Variants in MAF observed in about 807,000 individuals in gnomAD.
MAF encodes transcription factor Maf.
MAF carries 10 observed loss-of-function variants against 22.0 expected under a neutral mutation model. The observed-to-expected ratio is 0.45, with a 90% CI of 0.28 to 0.77. The LOEUF (loss-of-function observed/expected upper bound fraction) is 0.77, where lower values mean the gene tolerates loss of function less well. MAF is among the 30% of genes least tolerant of loss of function. The pLI is 0.12. For synonymous variants in MAF, 337 were observed against 255.8 expected (o/e 1.32, Z -3.03); for missense variants, 544 against 548.4 (o/e 0.99, Z 0.08).
At chr16:79,341,394 G>A in the MAF span, among the ~76,000 whole-genome samples, 30 of 152,258 alleles carry the variant, frequency 2.0e-4, no homozygotes, top group East Asian at 5.8e-4. Flanking sequence ...GCTACTCAGC[G>A]GGCTACTGGA....
chr16:79,232,396 T>C, the MAF span, among the ~76,000 whole-genome samples: 1 of 152,204 alleles, frequency 6.6e-6, no homozygotes, highest in East Asian at 1.9e-4. Flanking sequence ...TTGATACGAC[T>C]TTTGGTAACA....
At chr16:79,522,908 G>A in the MAF span, among the ~76,000 whole-genome samples, 1 of 151,918 alleles carries the variant, frequency 6.6e-6, no homozygotes, top group East Asian at 1.9e-4. Context: ...ATATCCCTGA[G>A]AACATCATGC....
chr16:79,348,668 G>A, the MAF span, among the ~76,000 whole-genome samples: 1 of 152,210 alleles, frequency 6.6e-6, no homozygotes, highest in Non-Finnish European at 1.5e-5. Context: ...CATGGCTTGG[G>A]CCCAGTGACA....
the MAF span, among the ~76,000 whole-genome samples, chr16:79,379,924 C>T: frequency 6.6e-6 from 1 of 152,194 alleles, no homozygotes; most frequent in Non-Finnish European, 1.5e-5. Flanking sequence ...CCCTCAGACA[C>T]AGTTTCAGTC....
At chr16:79,259,487 A>T in the MAF span, among the ~76,000 whole-genome samples, 1 of 152,152 alleles carries the variant, frequency 6.6e-6, no homozygotes, top group East Asian at 1.9e-4. Context: ...CACCACTAGG[A>T]GGTGGCTCCA....
At chr16:79,597,538 A>T (rs945719217) in intron 1 of MAF, 2 of 1,023,076 alleles carry the variant, frequency 2.0e-6, no homozygotes, top group East Asian at 6.4e-5. Flanking sequence ...TGTGTAACCC[A>T]TTCTGGTATC....
the MAF span, among the ~76,000 whole-genome samples, chr16:79,478,356 C>G: frequency 6.6e-6 from 1 of 152,296 alleles, no homozygotes; most frequent in African/African-American, 2.4e-5. Context: ...GCTCAGGAAG[C>G]TGCTCAAGGT....
chr16:79,249,130 G>T, the MAF span, among the ~76,000 whole-genome samples: 3 of 152,034 alleles, frequency 2.0e-5, no homozygotes, highest in Non-Finnish European at 2.9e-5. Flanking sequence ...CTTTATAAAA[G>T]AAGTTGAGGC....
chr16:79,212,824 A>AGTT, the MAF span: 3 of 152,168 alleles, frequency 2.0e-5, no homozygotes, highest in Middle Eastern at 3.4e-3. Context: ...TCTCTGAGTG[A>AGTT]GTTTGTGTTT....
chr16:79,204,966 G>A, the MAF span: 5 of 152,132 alleles, frequency 3.3e-5, no homozygotes, highest in Non-Finnish European at 7.3e-5. Flanking sequence ...GCTCTTGCAA[G>A]AAACTCATGT....
At chr16:79,318,989 T>C in the MAF span, among the ~76,000 whole-genome samples, 1 of 152,146 alleles carries the variant, frequency 6.6e-6, no homozygotes, top group African/African-American at 2.4e-5. Context: ...AAAAATAAAA[T>C]AGCATTTCCT....
At chr16:79,543,607 T>G in the MAF span, among the ~76,000 whole-genome samples, 2 of 152,002 alleles carry the variant, frequency 1.3e-5, no homozygotes, top group African/African-American at 4.8e-5. Context: ...AATATGGTGC[T>G]CCTCAACGGT....
the MAF span, among the ~76,000 whole-genome samples, chr16:79,452,299 T>C: frequency 1.3e-5 from 2 of 152,234 alleles, no homozygotes; most frequent in Non-Finnish European, 2.9e-5. Flanking sequence ...CTAAGTATCT[T>C]CTTCATCCAT....
chr16:79,598,610 GGT>G (rs1555529703), intron 1 of MAF, 173 bp downstream of exon 1: 1 of 1,412,956 alleles, frequency 7.1e-7, no homozygotes, highest in Non-Finnish European at 9.4e-7. Context: ...GTGTGTGTGT[GGT>G]GTGTGCGTGC....
the MAF span, among the ~76,000 whole-genome samples, chr16:79,494,196 G>T: frequency 6.6e-6 from 1 of 152,142 alleles, no homozygotes; most frequent in African/African-American, 2.4e-5. Context: ...CAGTTCCACG[G>T]GTCAGAAGTC....
the MAF span, among the ~76,000 whole-genome samples, chr16:79,428,733 T>C: frequency 6.6e-6 from 1 of 151,926 alleles, no homozygotes; most frequent in South Asian, 2.1e-4. Flanking sequence ...TAGTTCTAGC[T>C]ACTTGGGAGG....
the MAF span, among the ~76,000 whole-genome samples, chr16:79,220,329 A>C: frequency 5.3e-5 from 8 of 152,032 alleles, no homozygotes; most frequent in Non-Finnish European, 7.4e-5. Context: ...GATCAGAAAA[A>C]CACATGTGCC....
In MAF at chr16:79,596,287, T is replaced by G. The variant is rs563311535; in HGVS notation, c.1119-1734A>C. 17 of 1,060,014 alleles carry G rather than the reference T, an allele frequency of 1.6e-5. No individual in the cohort carries two copies. The South Asian group carries it at 7.3e-4, about 45-fold the overall frequency. 65.7% of individuals were successfully genotyped at this position (1,060,014 alleles called of 1,614,324 possible). A position where few individuals can be genotyped will look rare whatever the true frequency, so the allele number is the denominator to read the frequency against. ...GAAAAAAATGAGGTCATAATTTACA[T>G]CTATATTAAATATTGCTAATCAGTA... On this transcript the variant is annotated intron_variant, in intron 1 of 1. Transcript: ENST00000326043.
chr16:79,327,940 C>T, the MAF span, among the ~76,000 whole-genome samples: 10 of 152,336 alleles, frequency 6.6e-5, no homozygotes, highest in South Asian at 8.3e-4. Flanking sequence ...ACCAGACTTA[C>T]GTGCAAACCT....
Sources: allele counts gnomAD v4.1 joint callset (sites outside exome capture counted in the v4.1 genomes callset), GRCh38; gene constraint gnomAD v4.1.1; transcripts MANE v1.5; gene names NCBI Gene and HGNC (gene_info 2026-07-23, HGNC 2026-07-21).